The following KCTD6 variants were observed in gnomAD, a reference collection of about 807,000 sequenced individuals.
KCTD6 encodes the protein potassium channel tetramerization domain containing 6.
In KCTD6, 6 loss-of-function variants were observed where a neutral mutation model predicts 18.7. That is an observed-to-expected ratio of 0.32 (90% confidence interval 0.18 to 0.63). KCTD6 has a LOEUF of 0.63. KCTD6 is among the 30% of genes least tolerant of loss of function. The pLI is 0.79. For synonymous variants in KCTD6, 86 were observed against 108.5 expected, an observed-to-expected ratio of 0.79 and a Z score of 1.29; for missense variants, 165 against 300.2, an observed-to-expected ratio of 0.55 and a Z score of 3.33.
At chr3:58,500,873 ACTTACTTT>A in intron 2 of KCTD6, 65 bp from the exon 3 acceptor site, 2 of 947,428 alleles carry the variant, frequency 2.1e-6, no homozygotes, top group Non-Finnish European at 3.2e-6. Context: ...GCTCAGTATC[ACTTACTTT>A]CTTAATTTGT....
chr3:58,501,682 A>T lies in KCTD6; in HGVS notation c.*50A>T. 1 of 1,196,466 alleles carries T rather than the reference A, an allele frequency of 8.4e-7. No homozygotes were observed. Among genetic ancestry groups the T allele is most frequent in the Non-Finnish European group, 1.1e-6 (1 of 927,426 alleles). 74.1% of individuals were successfully genotyped at this position (1,196,466 alleles called of 1,614,324 possible). A position where few individuals can be genotyped will look rare whatever the true frequency, so the allele number is the denominator to read the frequency against. On this transcript the variant is annotated 3_prime_UTR_variant, in exon 3 of 3. Transcript: ENST00000404589. This position sits in a 1 kb window ranked among gnomAD's most constrained non-coding sequence, Gnocchi z 9.7. The stretch of plus-strand genomic sequence containing the variant: ...GGAAAGACTCTCCAGGAAATGGAAG[A>T]TACTGATTTTTTTTTTTAAATCACA...
chr3:58,501,566 G>A lies in KCTD6; in HGVS notation c.648G>A (p.Arg216=). ...RNTRVHHMSE[R]ANENTVEHNW... ...CCCGGGTGCATCACATGAGTGAGCGGGCCAATGAAAACACAGTGGAGCACA... is the reference window on the plus strand; with the variant it reads ...CCCGGGTGCATCACATGAGTGAGCGAGCCAATGAAAACACAGTGGAGCACA... The change falls in exon 3 of 3, where the codon CGG becomes CGA. Residue 216 remains arginine (R), a synonymous_variant. Coordinates refer to ENST00000404589, the MANE Select transcript of KCTD6 (RefSeq NM_001128214.2). The surrounding 1 kb of genome is among the most constrained non-coding windows in gnomAD (Gnocchi z 9.7). 1.4e-6 allele frequency: 2 copies of A among 1,445,798 alleles called. No homozygotes were observed. Among genetic ancestry groups the A allele is most frequent in the Non-Finnish European group, 1.8e-6 (2 of 1,099,022 alleles). 89.6% of individuals were successfully genotyped at this position (1,445,798 alleles called of 1,614,324 possible).
rs1444694775 is a variant in KCTD6 at position 58,493,227 on chromosome 3, T to A, written c.-44+1058T>A. On this transcript the variant is annotated intron_variant, in intron 1 of 2. Transcript: ENST00000404589. This position sits in a 1 kb window ranked among gnomAD's most constrained non-coding sequence, Gnocchi z 4.5. ...GCAGGGTTGGTAGGTTGAGAGTATTTTCTCTTTGGCCGAAACCATCAGTCC... is the reference window on the plus strand; with the variant it reads ...GCAGGGTTGGTAGGTTGAGAGTATTATCTCTTTGGCCGAAACCATCAGTCC... Among the ~76,000 whole-genome samples the A allele has an allele frequency of 6.6e-6, 1 of 152,210 alleles. No homozygotes were observed. Among genetic ancestry groups the A allele is most frequent in the African/African-American group, 2.4e-5 (1 of 41,460 alleles).
In KCTD6 at chr3:58,496,179, T is replaced by A. The variant is rs1053871049; in HGVS notation, c.-43-2534T>A. ...TTACAAACCCATTATGACTGTTTAG[T>A]TAGGCTGAGTTACTGTAAAATTTGT... On this transcript the variant is annotated intron_variant, in intron 1 of 2. Transcript: ENST00000404589. The surrounding 1 kb of genome is among the most constrained non-coding windows in gnomAD (Gnocchi z 5.1). Among the ~76,000 whole-genome samples, 9 of 152,110 alleles carry A rather than the reference T, an allele frequency of 5.9e-5. No homozygotes were observed. Among genetic ancestry groups the A allele is most frequent in the African/African-American group, 2.2e-4 (9 of 41,408 alleles).
In KCTD6 at chr3:58,498,048, C is replaced by T. The variant is rs1266556276; in HGVS notation, c.-43-665C>T. Reference sequence around the variant, plus strand: ...AGGGGCTGGTGTGCAGTGGCACAGTCTCGGCTCACTGCAACCTCCGCCTCT... The same window carrying T: ...AGGGGCTGGTGTGCAGTGGCACAGTTTCGGCTCACTGCAACCTCCGCCTCT... On this transcript the variant is annotated intron_variant, in intron 1 of 2. Coordinates refer to ENST00000404589, the MANE Select transcript of KCTD6 (RefSeq NM_001128214.2). This position sits in a 1 kb window ranked among gnomAD's most constrained non-coding sequence, Gnocchi z 4.6. 6.9e-6 allele frequency: 1 copy of T among 145,358 alleles called. No homozygotes were observed. The highest frequency in any genetic ancestry group is 1.5e-5 in the Non-Finnish European group (1 of 67,300). 9.0% of individuals were successfully genotyped at this position (145,358 alleles called of 1,614,324 possible). A position where few individuals can be genotyped will look rare whatever the true frequency, so the allele number is the denominator to read the frequency against.
In KCTD6 at chr3:58,493,017, CT is replaced by C. The variant is rs1395534336; in HGVS notation, c.-44+849del. Among the ~76,000 whole-genome samples the C allele has an allele frequency of 2.0e-5, 3 of 152,174 alleles. No individual in the cohort carries two copies. Among genetic ancestry groups the C allele is most frequent in the African/African-American group, 7.2e-5 (3 of 41,432 alleles). ...CTCGGCTAAGAATATTTGGGGTAGC[CT>C]AAGTATCTCTTCTATATCCCCCTGG... On this transcript the variant is annotated intron_variant, in intron 1 of 2. Transcript: ENST00000404589. The surrounding 1 kb of genome is among the most constrained non-coding windows in gnomAD (Gnocchi z 4.5).
Position 58,501,496 on chromosome 3 carries a change from A to C in KCTD6, c.578A>C (p.His193Pro), listed in dbSNP as rs531214042. 6.6e-7 allele frequency: 1 copy of C among 1,511,402 alleles called. No homozygotes were observed. The highest frequency in any genetic ancestry group is 1.4e-5 in the African/African-American group (1 of 71,526). 93.6% of individuals were successfully genotyped at this position (1,511,402 alleles called of 1,614,324 possible). Reference protein sequence around the residue: ...DYHQEVSLRVHLMEYITKQGF... With the variant: ...DYHQEVSLRVPLMEYITKQGF... ...CACCAGGAAGTTTCTCTTAGGGTCC[A>C]CCTGATGGAATACATTACAAAACAA... The change falls in exon 3 of 3, where the codon CAC (histidine) becomes CCC (proline). Residue 193 changes from histidine (H) to proline (P), a missense_variant. This residue lies in a region of KCTD6 where 106 missense variants were observed against 230.4 expected (regional missense o/e 0.46). Transcript: ENST00000404589. The surrounding 1 kb of genome is among the most constrained non-coding windows in gnomAD (Gnocchi z 9.7).
In KCTD6 at chr3:58,498,893, G is replaced by T. The variant is rs1401762926; in HGVS notation, c.27+111G>T. 7 of 853,410 alleles carry T rather than the reference G, an allele frequency of 8.2e-6. No homozygotes were observed. The highest frequency in any genetic ancestry group is 1.3e-5 in the Non-Finnish European group (7 of 533,930). 52.9% of individuals were successfully genotyped at this position (853,410 alleles called of 1,614,324 possible). A position where few individuals can be genotyped will look rare whatever the true frequency, so the allele number is the denominator to read the frequency against. ...TATAAGAAAAGAAAATTGTGAATTTGTGTAACCTCTCTTCCCCCTTTTACT... is the reference window on the plus strand; with the variant it reads ...TATAAGAAAAGAAAATTGTGAATTTTTGTAACCTCTCTTCCCCCTTTTACT... On this transcript the variant is annotated intron_variant, in intron 2 of 2. Transcript: ENST00000404589. This position sits in a 1 kb window ranked among gnomAD's most constrained non-coding sequence, Gnocchi z 4.6.
In KCTD6 at chr3:58,492,845, A is replaced by G. The variant is rs958806319; in HGVS notation, c.-44+676A>G. On this transcript the variant is annotated intron_variant, in intron 1 of 2. Coordinates refer to ENST00000404589, the MANE Select transcript of KCTD6 (RefSeq NM_001128214.2). The surrounding 1 kb of genome is among the most constrained non-coding windows in gnomAD (Gnocchi z 6.1). ...GTCTGGGGGTGGGACGGGGAAATGA[A>G]ACGTGACAGAGATCCTGTTTGGATA... Among the ~76,000 whole-genome samples, 1 of 152,124 alleles carries G rather than the reference A, an allele frequency of 6.6e-6. No homozygotes were observed. Among genetic ancestry groups the G allele is most frequent in the African/African-American group, 2.4e-5 (1 of 41,426 alleles).
rs1576980965 is a variant in KCTD6, at chr3:58,501,926, G to C, written c.*294G>C. 4.9e-6 allele frequency: 1 copy of C among 203,836 alleles called. No homozygotes were observed. The highest frequency in any genetic ancestry group is 6.0e-5 in the Admixed American group (1 of 16,696). 12.6% of individuals were successfully genotyped at this position (203,836 alleles called of 1,614,324 possible). On this transcript the variant is annotated 3_prime_UTR_variant, in exon 3 of 3. Transcript: ENST00000404589. The surrounding 1 kb of genome is among the most constrained non-coding windows in gnomAD (Gnocchi z 9.7). ...CCTTAACAGAGCTTTTCTTATTACA[G>C]TGCTAAAATGATTTCTGATAAAATG...
rs5849258 is a variant in KCTD6, at chr3:58,496,132, T to TG, written c.-43-2574dup. Among the ~76,000 whole-genome samples, 136,201 of 151,822 alleles carry TG rather than the reference T, an allele frequency of 0.9. 61,280 individuals carry two copies. Among genetic ancestry groups the TG allele is most frequent in the East Asian group, 1 (5,156 of 5,166 alleles). Reference sequence around the variant, plus strand: ...TGAATGGGTTCCTGCCTTTTTTTGGTGGGGGGGCCTCAGGAGAATTTTTAC... The same window carrying TG: ...TGAATGGGTTCCTGCCTTTTTTTGGTGGGGGGGGCCTCAGGAGAATTTTTAC... On this transcript the variant is annotated intron_variant, in intron 1 of 2. Coordinates refer to ENST00000404589, the MANE Select transcript of KCTD6 (RefSeq NM_001128214.2). This position sits in a 1 kb window ranked among gnomAD's most constrained non-coding sequence, Gnocchi z 5.1.
In KCTD6 at chr3:58,493,243, C is replaced by T. The variant is rs11130651; in HGVS notation, c.-44+1074C>T. On this transcript the variant is annotated intron_variant, in intron 1 of 2. Transcript: ENST00000404589. The surrounding 1 kb of genome is among the most constrained non-coding windows in gnomAD (Gnocchi z 4.5). ...GAGAGTATTTTCTCTTTGGCCGAAA[C>T]CATCAGTCCATACTGATACTTGATT... 0.22 allele frequency among the ~76,000 whole-genome samples: 33,813 copies of T among 152,172 alleles called. 5,390 individuals carry two copies. Among genetic ancestry groups the T allele is most frequent in the East Asian group, 0.69 (3,579 of 5,164 alleles).
At chr3:58,495,569 A>C (rs73087708) in intron 1 of KCTD6, among the ~76,000 whole-genome samples, 4,389 of 152,290 alleles carry the variant, frequency 0.029, 95 homozygotes, top group Non-Finnish European at 0.049. Flanking sequence ...GATATTTAGA[A>C]GCAGGTAGAG....
At chr3:58,500,645 A>T (rs1356386910) in intron 2 of KCTD6, among the ~76,000 whole-genome samples, 2 of 152,128 alleles carry the variant, frequency 1.3e-5, no homozygotes, top group Admixed American at 1.3e-4. Context: ...CTGGCCTGAA[A>T]ACTCTATAGA....
rs1033078293 is a variant in KCTD6, at chr3:58,500,838, A to G, written c.28-108A>G. ...GCATTAGAGGATTACTAAATACATT[A>G]TAGCCTGAAAGAATCTTGGGCTTTG... On this transcript the variant is annotated intron_variant, in intron 2 of 2. Coordinates refer to ENST00000404589, the MANE Select transcript of KCTD6 (RefSeq NM_001128214.2). The G allele has an allele frequency of 7.1e-6, 5 of 700,406 alleles. No individual in the cohort carries two copies. The African/African-American group carries it at 8.9e-5, about 12-fold the overall frequency. 43.4% of individuals were successfully genotyped at this position (700,406 alleles called of 1,614,324 possible). A position where few individuals can be genotyped will look rare whatever the true frequency, so the allele number is the denominator to read the frequency against.
In KCTD6 at chr3:58,493,112, G is replaced by A. The variant is rs531253776; in HGVS notation, c.-44+943G>A. ...CATCCTGGGATAGGAGAGAAGCTTG[G>A]GGACAGCATGTAGCACAGTCCTGAG... On this transcript the variant is annotated intron_variant, in intron 1 of 2. Coordinates refer to ENST00000404589, the MANE Select transcript of KCTD6 (RefSeq NM_001128214.2). This position sits in a 1 kb window ranked among gnomAD's most constrained non-coding sequence, Gnocchi z 4.5. 5.9e-5 allele frequency among the ~76,000 whole-genome samples: 9 copies of A among 152,312 alleles called. No homozygotes were observed. Among genetic ancestry groups the A allele is most frequent in the African/African-American group, 2.2e-4 (9 of 41,572 alleles).
At position 58,497,145 on chromosome 3, in the gene KCTD6, C is replaced by T. The variant is rs576324932; in HGVS notation, c.-43-1568C>T. 1.1e-4 allele frequency among the ~76,000 whole-genome samples: 16 copies of T among 152,336 alleles called. No individual in the cohort carries two copies. In the South Asian group the frequency reaches 3.1e-3, roughly 30 times the overall value. Reference sequence around the variant, plus strand: ...CATGTGGAGGCCTGTCTATATCCAACTGCTGAGTGTAAAGAATAAAAACTG... The same window carrying T: ...CATGTGGAGGCCTGTCTATATCCAATTGCTGAGTGTAAAGAATAAAAACTG... On this transcript the variant is annotated intron_variant, in intron 1 of 2. Coordinates refer to ENST00000404589, the MANE Select transcript of KCTD6 (RefSeq NM_001128214.2). The surrounding 1 kb of genome is among the most constrained non-coding windows in gnomAD (Gnocchi z 4.2).
At chr3:58,495,660 ATTG>A (rs1202175982) in intron 1 of KCTD6, among the ~76,000 whole-genome samples, 1 of 152,106 alleles carries the variant, frequency 6.6e-6, no homozygotes, top group Non-Finnish European at 1.5e-5. Context: ...CAGTTTACTC[ATTG>A]TTATTGGAAG....
At chr3:58,499,240 A>C (rs1326797292) in intron 2 of KCTD6, among the ~76,000 whole-genome samples, 1 of 152,206 alleles carries the variant, frequency 6.6e-6, no homozygotes, top group Admixed American at 6.5e-5. Flanking sequence ...TTTTAATGGA[A>C]TCAAACTCAA....
Sources: gnomAD v4.1 joint callset for allele counts (sites outside exome capture counted in the v4.1 genomes callset) on GRCh38, gnomAD v4.1.1 for gene constraint, gnomAD v4.1.1 regional missense constraint, Gnocchi (gnomAD v3.1) non-coding constraint, MANE v1.5 for transcripts, NCBI Gene and HGNC (gene_info 2026-07-23, HGNC 2026-07-21) for gene names.